Variants in C6orf89 observed in about 807,000 individuals in gnomAD.
C6orf89 encodes chromosome 6 open reading frame 89.
C6orf89 carries 29 observed loss-of-function variants against 40.7 expected under a neutral mutation model. The ratio of observed to expected loss-of-function variants is 0.71; its 90% CI spans 0.53 to 0.97. The LOEUF (loss-of-function observed/expected upper bound fraction) is 0.97, where lower values mean the gene tolerates loss of function less well. C6orf89 is among the 50% of genes least tolerant of loss of function. The pLI is 0.00. For synonymous variants in C6orf89, 165 were observed against 152.2 expected (o/e 1.08, Z -0.62); for missense variants, 392 against 429.1 (o/e 0.91, Z 0.76).
At chr6:36,884,874 A>G (rs1238647471), upstream of C6orf89, among the ~76,000 whole-genome samples, 1 of 152,190 alleles carries the variant, frequency 6.6e-6, no homozygotes, top group Non-Finnish European at 1.5e-5. The surrounding 1 kb of genome is among the most constrained non-coding windows in gnomAD (Gnocchi z 4.0). Context: ...TTTCTCCTGT[A>G]AACAGATGTT....
At chr6:36,901,321 A>ATTATTTT (rs1561865504) in intron 3 of C6orf89, among the ~76,000 whole-genome samples, 19 of 18,960 alleles carry the variant, frequency 1.0e-3, no homozygotes, top group Non-Finnish European at 1.5e-3. Context: ...TATTATTATT[A>ATTATTTT]TTTTTTTTTT....
At chr6:36,914,083 C>T (rs750378960) in intron 4 of C6orf89, among the ~76,000 whole-genome samples, 3 of 152,206 alleles carry the variant, frequency 2.0e-5, no homozygotes, top group Non-Finnish European at 2.9e-5. Context: ...ATCCCTTGAA[C>T]CCAGGAGGCA....
chr6:36,911,916 T>G (rs557041375), intron 4 of C6orf89, among the ~76,000 whole-genome samples: 1 of 143,484 alleles, frequency 7.0e-6, no homozygotes, highest in East Asian at 2.0e-4. Flanking sequence ...ATATTTCACT[T>G]CTCATCACAG....
chr6:36,918,317 T>C (rs9470435), intron 7 of C6orf89, among the ~76,000 whole-genome samples: 3,605 of 152,336 alleles, frequency 0.024, 114 homozygotes, highest in African/African-American at 0.08. Context: ...TTCAGGCCTG[T>C]GTGAAGAAGG....
intron 1 of C6orf89, among the ~76,000 whole-genome samples, chr6:36,889,775 G>T (rs1053362958): frequency 2.0e-5 from 3 of 152,188 alleles, no homozygotes; most frequent in Non-Finnish European, 4.4e-5. Flanking sequence ...AATATTAAGA[G>T]ATTACTCATT....
chr6:36,923,417 T>TGGAAC lies in C6orf89; in HGVS notation c.1021_1025dup (p.Ala343GlufsTer10), dbSNP rs771536209. 6.2e-7 allele frequency: 1 copy of TGGAAC among 1,613,842 alleles called. No individual in the cohort carries two copies. The highest frequency in any genetic ancestry group is 8.5e-7 in the Non-Finnish European group (1 of 1,179,786). ...GGGTCCAGCCTTTGGTCATCTGCGA[T>TGGAAC]GGAACCGCTTTCTCAGAACTGTAGG... On this transcript the variant is annotated frameshift_variant, in exon 9 of 9. Coordinates refer to ENST00000480824, the MANE Select transcript of C6orf89 (RefSeq NM_001286635.2). LOFTEE classifies it high-confidence loss of function.
At position 36,910,760 on chromosome 6, in the gene C6orf89, G is replaced by A. The variant is rs144178042; in HGVS notation, c.404-3524G>A. Among the ~76,000 whole-genome samples, 359 of 150,872 alleles carry A rather than the reference G, an allele frequency of 2.4e-3. 2 individuals are homozygous for A. Among genetic ancestry groups the A allele is most frequent in the East Asian group, 0.011 (54 of 5,122 alleles). Reference sequence around the variant, plus strand: ...AAAAAAAGGCTGGTCTCAAACTCCTGGGCTCAAGCGATCCCACCTCAGCCT... The same window carrying A: ...AAAAAAAGGCTGGTCTCAAACTCCTAGGCTCAAGCGATCCCACCTCAGCCT... On this transcript the variant is annotated intron_variant, in intron 4 of 8. Transcript: ENST00000480824.
chr6:36,903,451 A>G (rs1761800035), intron 4 of C6orf89, among the ~76,000 whole-genome samples: 1 of 152,090 alleles, frequency 6.6e-6, no homozygotes, highest in South Asian at 2.1e-4. Context: ...TAAGCTTTAT[A>G]ATCATAATGT....
At chr6:36,919,828 G>A in intron 8 of C6orf89, 127 bp downstream of exon 8, 4 of 952,172 alleles carry the variant, frequency 4.2e-6, no homozygotes, top group Non-Finnish European at 4.4e-6. Context: ...ACATTCTCCT[G>A]TTAACAGGCT....
At chr6:36,875,165 G>A in intron 1 of C6orf89, 1 of 237,380 alleles carries the variant, frequency 4.2e-6, no homozygotes. Flanking sequence ...GACGGGAAGG[G>A]GAGGCAGAGA....
intron 1 of C6orf89, among the ~76,000 whole-genome samples, chr6:36,888,541 C>T (rs1029007939): frequency 3.6e-4 from 54 of 152,106 alleles, no homozygotes; most frequent in African/African-American, 1.2e-3. Flanking sequence ...GGCTGAGGCA[C>T]GAGAATCTCT....
Position 36,920,979 on chromosome 6 carries a change from A to T in C6orf89, c.949+1278A>T, listed in dbSNP as rs111699575. Among the ~76,000 whole-genome samples the T allele has an allele frequency of 7.1e-3, 678 of 95,840 alleles. 8 individuals are homozygous for T. Among genetic ancestry groups the T allele is most frequent in the Non-Finnish European group, 6.2e-3 (334 of 53,526 alleles). 62.9% of individuals were successfully genotyped at this position (95,840 alleles called of 152,430 possible). On this transcript the variant is annotated intron_variant, in intron 8 of 8. Transcript: ENST00000480824. ...CCAATTACAGAATTAGGGAAAAATT[A>T]AAAAAAAAAAAGTCTGGCAGTGATC...
In C6orf89 at chr6:36,923,570, G is replaced by T; in HGVS notation, c.*129G>T. 1 of 734,724 alleles carries T rather than the reference G, an allele frequency of 1.4e-6. No homozygotes were observed. Among genetic ancestry groups the T allele is most frequent in the Non-Finnish European group, 2.5e-6 (1 of 406,414 alleles). 45.5% of individuals were successfully genotyped at this position (734,724 alleles called of 1,614,324 possible). ...TTAGTTACCTGCCCTTTGCATGCAT[G>T]TGTGAACCAGCTGTGAGCTGCAAGG... On this transcript the variant is annotated 3_prime_UTR_variant, in exon 9 of 9. Transcript: ENST00000480824.
upstream of C6orf89, among the ~76,000 whole-genome samples, chr6:36,882,442 G>A (rs184131895): frequency 4.5e-4 from 68 of 152,346 alleles, 1 homozygote; most frequent in Admixed American, 3.3e-3. Context: ...TCAAGAGGAC[G>A]TAAGTCCCGT....
At chr6:36,894,197 T>C (rs577581290) in intron 1 of C6orf89, among the ~76,000 whole-genome samples, 2 of 152,320 alleles carry the variant, frequency 1.3e-5, no homozygotes, top group Admixed American at 1.3e-4. Flanking sequence ...TGTGATGTTC[T>C]CTTCTGCCTC....
Position 36,899,468 on chromosome 6 carries a change from C to G in C6orf89, c.24C>G (p.Ile8Met). 1 of 1,614,102 alleles carries G rather than the reference C, an allele frequency of 6.2e-7. No homozygotes were observed. Among genetic ancestry groups the G allele is most frequent in the Admixed American group, 1.7e-5 (1 of 60,010 alleles). MDLAANE[I>M]SIYDKLSETV... ...ACATGGATCTTGCTGCCAACGAGAT[C>G]AGCATTTATGACAAACTTTCAGAGA... Residue 8 changes from isoleucine to methionine, a missense_variant, in exon 3 of 9, where the codon ATC (isoleucine) becomes ATG (methionine). Ile to Met is a conservative substitution (Grantham distance 10, BLOSUM62 1). Coordinates refer to ENST00000480824, the MANE Select transcript of C6orf89 (RefSeq NM_001286635.2).
chr6:36,899,888 TTG>T (rs1226613436), intron 3 of C6orf89, among the ~76,000 whole-genome samples: 3 of 152,244 alleles, frequency 2.0e-5, no homozygotes, highest in Non-Finnish European at 2.9e-5. Context: ...TGTTTGTTTG[TTG>T]TGTGTGTGTG....
In C6orf89 at chr6:36,894,216, T is replaced by C. The variant is rs146512157; in HGVS notation, c.-119-288T>C. Among the ~76,000 whole-genome samples the C allele has an allele frequency of 5.8e-3, 884 of 152,274 alleles. 7 individuals are homozygous for C. The highest frequency in any genetic ancestry group is 0.019 in the African/African-American group (799 of 41,560). On this transcript the variant is annotated intron_variant, in intron 1 of 8. Coordinates refer to ENST00000480824, the MANE Select transcript of C6orf89 (RefSeq NM_001286635.2). The stretch of plus-strand genomic sequence containing the variant: ...ATGTTCTCTTCTGCCTCAGGGATAC[T>C]TGCTTGTGACCCCACCTCCCAGCAT...
chr6:36,876,295 C>T (rs1156683668), intron 1 of C6orf89, among the ~76,000 whole-genome samples: 1 of 152,186 alleles, frequency 6.6e-6, no homozygotes, highest in African/African-American at 2.4e-5. Flanking sequence ...ACTGCAGCTC[C>T]TACCAGTCAC....
Sources: allele counts gnomAD v4.1 joint callset (sites outside exome capture counted in the v4.1 genomes callset), GRCh38; gene constraint gnomAD v4.1.1; non-coding constraint Gnocchi (gnomAD v3.1); transcripts MANE v1.5; gene names NCBI Gene and HGNC (gene_info 2026-07-23, HGNC 2026-07-21).